VPS8: variants seen among roughly 807,000 people sequenced by gnomAD.
VPS8 encodes the protein vacuolar protein sorting-associated protein 8 homolog.
A neutral mutation model predicts 216.4 loss-of-function variants in VPS8; 129 were observed. That is an observed-to-expected ratio of 0.60 (90% CI 0.52 to 0.69). VPS8 has a LOEUF of 0.69. VPS8 is among the 30% of genes least tolerant of loss of function. VPS8 has a pLI of 0.00. For missense variants in VPS8, 1,531 were observed against 1,683.5 expected (o/e 0.91, Z 1.59); for synonymous variants, 571 against 565.4 (o/e 1.01, Z -0.14).
chr3:184,960,079 A>G (rs554613389), intron 37 of VPS8, among the ~76,000 whole-genome samples: 1 of 152,216 alleles, frequency 6.6e-6, no homozygotes, highest in East Asian at 1.9e-4. Context: ...ATGAATAAGA[A>G]CATGCGGTGT....
intron 40 of VPS8, among the ~76,000 whole-genome samples, chr3:184,978,252 A>AT (rs1749625008): frequency 1.3e-5 from 2 of 151,796 alleles, no homozygotes; most frequent in Admixed American, 6.6e-5. Flanking sequence ...TCTGAGGGCT[A>AT]TTTTTTATAT....
intron 36 of VPS8, among the ~76,000 whole-genome samples, chr3:184,953,073 A>G (rs999530670): frequency 6.6e-6 from 1 of 152,158 alleles, no homozygotes. Context: ...TGGGAACTCA[A>G]TTTTTAAGAT....
intron 47 of VPS8, among the ~76,000 whole-genome samples, chr3:185,048,768 C>G (rs917462374): frequency 2.0e-5 from 3 of 152,058 alleles, no homozygotes; most frequent in African/African-American, 7.2e-5. Context: ...AGCTGTCTGT[C>G]CCCTACGTAC....
intron 25 of VPS8, among the ~76,000 whole-genome samples, chr3:184,909,601 T>G (rs998993428): frequency 2.2e-4 from 34 of 152,332 alleles, no homozygotes; most frequent in African/African-American, 6.3e-4. Context: ...TAATTTCCAT[T>G]TAGTTCTTGT....
At chr3:184,825,687 A>G (rs1718609464) in intron 2 of VPS8, among the ~76,000 whole-genome samples, 1 of 152,136 alleles carries the variant, frequency 6.6e-6, no homozygotes, top group Non-Finnish European at 1.5e-5. Context: ...GGATCACTTG[A>G]GGTCAGGAGT....
chr3:184,936,515 C>CTGTGTGTGTGTGTGTG (rs59011109), intron 35 of VPS8, among the ~76,000 whole-genome samples, 180 bp downstream of exon 35: 74 of 119,430 alleles, frequency 6.2e-4, no homozygotes, highest in Middle Eastern at 4.4e-3. Flanking sequence ...CAACCTAATA[C>CTGTGTGTGTGTGTGTG]TGTGTGTGTG....
At chr3:184,964,652 C>A (rs1747090228) in intron 38 of VPS8, 95 bp downstream of exon 38, 1 of 688,164 alleles carries the variant, frequency 1.5e-6, no homozygotes, top group East Asian at 3.3e-5. Context: ...CAGTTGCAGA[C>A]CGTAATATAT....
intron 1 of VPS8, among the ~76,000 whole-genome samples, chr3:184,816,700 C>G (rs1347893766): frequency 6.6e-6 from 1 of 152,216 alleles, no homozygotes. Flanking sequence ...CGGTGGGTCT[C>G]TCAGGAAGCC....
chr3:184,853,119 T>C (rs962669691), intron 11 of VPS8, among the ~76,000 whole-genome samples: 1 of 152,164 alleles, frequency 6.6e-6, no homozygotes, highest in Non-Finnish European at 1.5e-5. Context: ...TACAAAGTAA[T>C]TTCTGAAAAA....
At position 185,052,059 on chromosome 3, in the gene VPS8, G is replaced by C; in HGVS notation, c.*34G>C. ...TGGAGCCTGGCCCAGGAGAACCAGA[G>C]ATGATCCCGAGGCAGCTGGGGAGAG... On this transcript the variant is annotated 3_prime_UTR_variant, in exon 48 of 48. Coordinates refer to ENST00000625842, the MANE Select transcript of VPS8 (RefSeq NM_001009921.3). The C allele has an allele frequency of 1.3e-6, 2 of 1,588,748 alleles. No individual in the cohort carries two copies. Among genetic ancestry groups the C allele is most frequent in the South Asian group, 1.1e-5 (1 of 87,414 alleles).
At chr3:184,826,286 T>A in intron 3 of VPS8, 55 bp downstream of exon 3, 1 of 1,463,570 alleles carries the variant, frequency 6.8e-7, no homozygotes, top group Middle Eastern at 1.8e-4. Flanking sequence ...ATCTTAATAC[T>A]TTTTGGATTA....
intron 37 of VPS8, among the ~76,000 whole-genome samples, chr3:184,959,760 A>G (rs1746185834): frequency 6.6e-6 from 1 of 152,154 alleles, no homozygotes; most frequent in Non-Finnish European, 1.5e-5. Flanking sequence ...CACAGTTGTC[A>G]GAAACCTGTA....
chr3:184,961,654 A>G (rs4270485), intron 37 of VPS8, among the ~76,000 whole-genome samples: 72,788 of 150,524 alleles, frequency 0.48, 18,358 homozygotes, highest in Middle Eastern at 0.66. Context: ...TATAAAATAC[A>G]TGCTAGTTTT....
rs371621781 is a variant in VPS8, at chr3:184,903,026, C to A, written c.2146+2054C>A. On this transcript the variant is annotated intron_variant, in intron 25 of 47. Coordinates refer to ENST00000625842, the MANE Select transcript of VPS8 (RefSeq NM_001009921.3). ...CTATCAGTTATTCCCATAAGTCTTACCATTTATTGGTAAGATTATCTTATT... is the reference window on the plus strand; with the variant it reads ...CTATCAGTTATTCCCATAAGTCTTAACATTTATTGGTAAGATTATCTTATT... 1.3e-4 allele frequency among the ~76,000 whole-genome samples: 20 copies of A among 152,174 alleles called. No individual in the cohort carries two copies. The East Asian group carries it at 3.7e-3, about 28-fold the overall frequency.
chr3:185,007,435 T>A (rs1754423551), intron 45 of VPS8, among the ~76,000 whole-genome samples: 1 of 152,258 alleles, frequency 6.6e-6, no homozygotes, highest in Admixed American at 6.5e-5. Flanking sequence ...TGGCATTGAT[T>A]AGCATGAGAA....
chr3:185,050,792 C>T lies in VPS8; in HGVS notation c.4138-1084C>T, dbSNP rs544704282. Among the ~76,000 whole-genome samples the T allele has an allele frequency of 2.5e-4, 38 of 152,266 alleles. No individual in the cohort carries two copies. In the South Asian group the frequency reaches 4.1e-3, roughly 17 times the overall value. ...GCCCTGAGGAGTCTGATGGCCCCCTCGTCTCAGCTGTACACTCCCCATGGA... is the reference window on the plus strand; with the variant it reads ...GCCCTGAGGAGTCTGATGGCCCCCTTGTCTCAGCTGTACACTCCCCATGGA... On this transcript the variant is annotated intron_variant, in intron 47 of 47. Coordinates refer to ENST00000625842, the MANE Select transcript of VPS8 (RefSeq NM_001009921.3).
intron 34 of VPS8, 130 bp from the exon 35 acceptor site, chr3:184,936,116 T>C (rs960410180): frequency 3.1e-6 from 2 of 648,492 alleles, no homozygotes; most frequent in Non-Finnish European, 5.2e-6. Flanking sequence ...TGAGGCCCTA[T>C]ATCAAGGTCT....
Position 184,962,061 on chromosome 3 carries a change from C to T in VPS8, c.3184-2407C>T, listed in dbSNP as rs550429680. 2.2e-4 allele frequency among the ~76,000 whole-genome samples: 34 copies of T among 152,314 alleles called. No individual in the cohort carries two copies. In the East Asian group the frequency reaches 4.2e-3, roughly 19 times the overall value. ...ACTGGCGTGAGCCAGTGCACCCGGCCACTTTTACTAAATTTTTAAAACATT... is the reference window on the plus strand; with the variant it reads ...ACTGGCGTGAGCCAGTGCACCCGGCTACTTTTACTAAATTTTTAAAACATT... On this transcript the variant is annotated intron_variant, in intron 37 of 47. Transcript: ENST00000625842.
At position 184,881,213 on chromosome 3, in the gene VPS8, CTT is replaced by C. The variant is rs769708593; in HGVS notation, c.1735-4895_1735-4894del. On this transcript the variant is annotated intron_variant, in intron 21 of 47. Coordinates refer to ENST00000625842, the MANE Select transcript of VPS8 (RefSeq NM_001009921.3). ...GCTTTTGAAATCAAGTCTCAGAACTCTTTGCCTAGCCTAAGATCCTGAAGATT... is the reference window on the plus strand; with the variant it reads ...GCTTTTGAAATCAAGTCTCAGAACTCTGCCTAGCCTAAGATCCTGAAGATT... Among the ~76,000 whole-genome samples, 10 of 152,260 alleles carry C rather than the reference CTT, an allele frequency of 6.6e-5. No homozygotes were observed. The South Asian group carries it at 1.0e-3, about 16-fold the overall frequency.
Sources: allele counts gnomAD v4.1 joint callset (sites outside exome capture counted in the v4.1 genomes callset), GRCh38; gene constraint gnomAD v4.1.1; transcripts MANE v1.5; gene names NCBI Gene and HGNC (gene_info 2026-07-23, HGNC 2026-07-21).